The following DENND5B variants were observed in gnomAD, a reference collection of about 807,000 sequenced individuals.
DENND5B encodes DENN domain-containing protein 5B.
In DENND5B, 34 loss-of-function variants were observed where a neutral mutation model predicts 140.6. The ratio of observed to expected loss-of-function variants is 0.24; its 90% CI spans 0.18 to 0.32. The LOEUF is 0.32. Ranked by LOEUF, DENND5B falls within the 10% of genes least tolerant of loss-of-function variation. The probability of loss-of-function intolerance (pLI) is 1.00; values close to 1 mark genes in which losing one functional copy is unlikely to be tolerated. For missense variants in DENND5B, 1,142 were observed against 1,560.2 expected (o/e 0.73, Z 4.52); for synonymous variants, 551 against 562.1 (o/e 0.98, Z 0.28).
intron 1 of DENND5B, among the ~76,000 whole-genome samples, chr12:31,571,389 A>T (rs1401250431): frequency 2.0e-5 from 3 of 152,126 alleles, no homozygotes; most frequent in East Asian, 1.9e-4. Flanking sequence ...AGAAAAAAAA[A>T]TTTTAATAGA....
chr12:31,426,869 T>C (rs1404069297), intron 8 of DENND5B: 1 of 164,246 alleles, frequency 6.1e-6, no homozygotes, highest in African/African-American at 2.4e-5. Context: ...TCTAGCCTCC[T>C]GGGCAGTGCT....
chr12:31,398,743 T>A (rs1482548679), intron 16 of DENND5B, among the ~76,000 whole-genome samples: 1 of 152,188 alleles, frequency 6.6e-6, no homozygotes, highest in Non-Finnish European at 1.5e-5. Context: ...AGGCTTCTTT[T>A]TTATTTTCTT....
chr12:31,519,441 G>A (rs1279852440), intron 1 of DENND5B, among the ~76,000 whole-genome samples: 2 of 152,108 alleles, frequency 1.3e-5, no homozygotes, highest in Admixed American at 6.6e-5. Flanking sequence ...AACAACAAAT[G>A]ATTAAATATT....
intron 2 of DENND5B, among the ~76,000 whole-genome samples, chr12:31,488,127 G>A (rs1013688573): frequency 7.2e-5 from 8 of 110,486 alleles, no homozygotes; most frequent in East Asian, 6.9e-4. Flanking sequence ...GTGCATACCC[G>A]GCTATTTTTT....
At chr12:31,521,297 C>G (rs148238835) in intron 1 of DENND5B, among the ~76,000 whole-genome samples, 165 of 140,442 alleles carry the variant, frequency 1.2e-3, no homozygotes, top group African/African-American at 3.8e-3. Context: ...CAGACATTCA[C>G]TTTAGTACAA....
At chr12:31,537,954 T>C (rs1448544385) in intron 1 of DENND5B, among the ~76,000 whole-genome samples, 1 of 152,220 alleles carries the variant, frequency 6.6e-6, no homozygotes. Flanking sequence ...TAATTGTATA[T>C]GGACCCAACA....
chr12:31,565,827 A>G (rs1293167038), intron 1 of DENND5B, among the ~76,000 whole-genome samples: 1 of 152,196 alleles, frequency 6.6e-6, no homozygotes, highest in Non-Finnish European at 1.5e-5. Flanking sequence ...ACTAGGGACC[A>G]TATTTGACTG....
intron 1 of DENND5B, among the ~76,000 whole-genome samples, chr12:31,500,937 G>A (rs1357444077): frequency 6.6e-6 from 1 of 152,096 alleles, no homozygotes. Context: ...ATTCCAGGAG[G>A]AGTAACCTAT....
At chr12:31,504,491 T>C (rs1591942237) in intron 1 of DENND5B, among the ~76,000 whole-genome samples, 1 of 152,332 alleles carries the variant, frequency 6.6e-6, no homozygotes, top group African/African-American at 2.4e-5. Context: ...TAGAGATTTC[T>C]ATAGCATGCT....
At chr12:31,522,893 AGG>A (rs1221871848) in intron 1 of DENND5B, among the ~76,000 whole-genome samples, 2 of 151,974 alleles carry the variant, frequency 1.3e-5, no homozygotes, top group African/African-American at 4.8e-5. Flanking sequence ...AGTTTTATTG[AGG>A]GTGGCTTCAT....
chr12:31,466,715 CA>C (rs958274228), intron 3 of DENND5B, among the ~76,000 whole-genome samples: 2 of 133,180 alleles, frequency 1.5e-5, no homozygotes, highest in African/African-American at 5.5e-5. Context: ...ACAACAACAA[CA>C]AAAAAAAGTT....
chr12:31,490,390 T>C (rs1946479729), intron 2 of DENND5B, among the ~76,000 whole-genome samples: 2 of 152,150 alleles, frequency 1.3e-5, no homozygotes, highest in Non-Finnish European at 1.5e-5. Context: ...GGTGGGCAGA[T>C]TGCTTGAGTC....
chr12:31,472,604 CTTA>C, intron 3 of DENND5B, among the ~76,000 whole-genome samples: 1 of 152,082 alleles, frequency 6.6e-6, no homozygotes, highest in Non-Finnish European at 1.5e-5. Context: ...AAATGAAAGT[CTTA>C]ATATAGCACT....
Position 31,479,684 on chromosome 12 carries a change from G to A in DENND5B, c.809C>T (p.Pro270Leu), listed in dbSNP as rs1407618214. 1.3e-5 allele frequency: 21 copies of A among 1,592,066 alleles called. No individual in the cohort carries two copies. Among genetic ancestry groups the A allele is most frequent in the Non-Finnish European group, 1.7e-5 (20 of 1,169,160 alleles). Residue 270 changes from proline to leucine, a missense_variant, in exon 3 of 21, where the codon CCC (proline) becomes CTC (leucine). Transcript: ENST00000389082. ...CAGGAGCTCAAATGCCTCCCGAAGG[G>A]GGTAATCAGAGAGGGGGAGTTCACT... is the stretch of plus-strand genomic sequence containing the variant. ...GPSELPLSDY[P>L]LREAFELLGL...
intron 14 of DENND5B, among the ~76,000 whole-genome samples, chr12:31,407,503 G>A (rs1202754211): frequency 6.6e-6 from 1 of 152,184 alleles, no homozygotes; most frequent in Non-Finnish European, 1.5e-5. Context: ...TAACTTGACA[G>A]GCATTACAGG....
At chr12:31,424,986 T>A (rs1943171246) in intron 9 of DENND5B, among the ~76,000 whole-genome samples, 1 of 152,218 alleles carries the variant, frequency 6.6e-6, no homozygotes. Context: ...TATTAACTTC[T>A]GTGATATTGG....
intron 1 of DENND5B, among the ~76,000 whole-genome samples, chr12:31,537,390 G>C (rs899365655): frequency 2.0e-5 from 3 of 152,050 alleles, no homozygotes; most frequent in Non-Finnish European, 4.4e-5. Flanking sequence ...ACAGTGTTAG[G>C]CTATCAGTGT....
chr12:31,484,780 A>C (rs1946224522), intron 2 of DENND5B, among the ~76,000 whole-genome samples: 1 of 152,032 alleles, frequency 6.6e-6, no homozygotes, highest in South Asian at 2.1e-4. Context: ...CAGCCTAGGC[A>C]ACAGAGTGAG....
chr12:31,524,207 G>A (rs373276478), intron 1 of DENND5B, among the ~76,000 whole-genome samples: 1 of 152,066 alleles, frequency 6.6e-6, no homozygotes, highest in South Asian at 2.1e-4. Context: ...CCTTTTATTA[G>A]GAAACTCTAA....
Sources: allele counts gnomAD v4.1 joint callset (sites outside exome capture counted in the v4.1 genomes callset), GRCh38; gene constraint gnomAD v4.1.1; transcripts MANE v1.5; gene names NCBI Gene and HGNC (gene_info 2026-07-23, HGNC 2026-07-21).